PRKG1: variants seen among roughly 807,000 people sequenced by gnomAD.
PRKG1 encodes cGMP-dependent protein kinase 1.
Under a neutral mutation model 88.1 loss-of-function variants are expected in PRKG1, and 35 were observed. The ratio of observed to expected loss-of-function variants is 0.40; its 90% CI spans 0.30 to 0.53. The LOEUF (loss-of-function observed/expected upper bound fraction) is 0.53. Ranked by LOEUF, PRKG1 falls within the 20% of genes least tolerant of loss-of-function variation. PRKG1 has a pLI of 0.59. For synonymous variants in PRKG1, 303 were observed against 292.5 expected (o/e 1.04, Z -0.37); for missense variants, 540 against 839.8 (o/e 0.64, Z 4.41).
chr10:51,822,968 A>T (rs1036715328), intron 4 of PRKG1, among the ~76,000 whole-genome samples: 1 of 152,188 alleles, frequency 6.6e-6, no homozygotes, highest in African/African-American at 2.4e-5. Flanking sequence ...GTGGGAATTC[A>T]TGAGGTCAAA....
chr10:51,625,071 A>G (rs976055888), intron 3 of PRKG1, among the ~76,000 whole-genome samples: 1 of 152,236 alleles, frequency 6.6e-6, no homozygotes, highest in Non-Finnish European at 1.5e-5. Flanking sequence ...GTCATCACTC[A>G]AAATTAATAA....
chr10:51,320,819 T>A (rs1305503803), intron 2 of PRKG1, among the ~76,000 whole-genome samples: 1 of 152,228 alleles, frequency 6.6e-6, no homozygotes, highest in Non-Finnish European at 1.5e-5. Context: ...CCTTAAATAC[T>A]TGGGAATTAC....
chr10:51,839,373 C>T (rs1036163830), intron 4 of PRKG1, among the ~76,000 whole-genome samples: 7 of 152,102 alleles, frequency 4.6e-5, no homozygotes, highest in Admixed American at 2.0e-4. Flanking sequence ...TTCTACTTCC[C>T]CCATGCCCAC....
chr10:51,888,950 G>A (rs770727705), intron 4 of PRKG1, among the ~76,000 whole-genome samples: 5 of 152,000 alleles, frequency 3.3e-5, no homozygotes, highest in Admixed American at 6.6e-5. Flanking sequence ...ACAAAGTAAC[G>A]TGACTGGGAC....
At chr10:51,044,643 C>G (rs1255595584) in intron 1 of PRKG1, among the ~76,000 whole-genome samples, 1 of 151,974 alleles carries the variant, frequency 6.6e-6, no homozygotes, top group East Asian at 1.9e-4. Flanking sequence ...CTTATAGACT[C>G]CCCTCCTTTG....
At chr10:51,163,549 G>A (rs1447596545) in intron 2 of PRKG1, among the ~76,000 whole-genome samples, 1 of 152,166 alleles carries the variant, frequency 6.6e-6, no homozygotes, top group African/African-American at 2.4e-5. Context: ...AAGACAGTGG[G>A]TGCCGCGCAC....
At chr10:51,128,835 C>G (rs1845495858) in intron 1 of PRKG1, among the ~76,000 whole-genome samples, 1 of 152,170 alleles carries the variant, frequency 6.6e-6, no homozygotes, top group African/African-American at 2.4e-5. Context: ...ATTCATGTCT[C>G]AAGCTTAGCA....
chr10:51,322,279 ATC>A (rs1489631729), intron 2 of PRKG1, among the ~76,000 whole-genome samples: 2 of 152,224 alleles, frequency 1.3e-5, no homozygotes, highest in Non-Finnish European at 2.9e-5. Context: ...AAAAAAGTGC[ATC>A]TCTCATCCTG....
intron 5 of PRKG1, among the ~76,000 whole-genome samples, chr10:52,020,662 G>A (rs1289294515): frequency 6.6e-6 from 1 of 152,030 alleles, no homozygotes; most frequent in Non-Finnish European, 1.5e-5. Flanking sequence ...CCCTTAGGGT[G>A]GGCTGCCCAC....
intron 2 of PRKG1, 49 bp from the exon 3 acceptor site, chr10:51,467,674 A>T: frequency 1.4e-6 from 2 of 1,434,488 alleles, no homozygotes; most frequent in Non-Finnish European, 2.0e-6. Flanking sequence ...GCAACAAATG[A>T]AGCATGAGAA....
chr10:51,712,446 G>A (rs1025160983), intron 3 of PRKG1, among the ~76,000 whole-genome samples: 3 of 151,966 alleles, frequency 2.0e-5, no homozygotes, highest in Non-Finnish European at 2.9e-5. Flanking sequence ...CTCTATTGAC[G>A]TTTATCTATT....
intron 1 of PRKG1, among the ~76,000 whole-genome samples, chr10:51,077,267 T>C (rs541661035): frequency 3.9e-5 from 6 of 152,338 alleles, no homozygotes; most frequent in South Asian, 2.1e-4. Flanking sequence ...AGTGTTTGTG[T>C]CTTTGTATTT....
intron 2 of PRKG1, among the ~76,000 whole-genome samples, chr10:51,421,539 C>G (rs1838416469): frequency 6.6e-6 from 1 of 152,048 alleles, no homozygotes; most frequent in Admixed American, 6.6e-5. Flanking sequence ...GAGACACTTT[C>G]CCCAGTTCCT....
intron 1 of PRKG1, among the ~76,000 whole-genome samples, chr10:51,098,713 C>T (rs1844604550): frequency 6.6e-6 from 1 of 152,218 alleles, no homozygotes; most frequent in African/African-American, 2.4e-5. Flanking sequence ...GTCAAGCTGT[C>T]CATGAAGGAC....
At chr10:52,248,489 T>C (rs1258895318) in intron 9 of PRKG1, among the ~76,000 whole-genome samples, 2 of 152,282 alleles carry the variant, frequency 1.3e-5, no homozygotes, top group Middle Eastern at 3.4e-3. Context: ...TCAAAATGTA[T>C]CTTACCAATA....
chr10:52,191,825 T>C (rs1374067941), intron 9 of PRKG1, among the ~76,000 whole-genome samples: 1 of 152,202 alleles, frequency 6.6e-6, no homozygotes, highest in African/African-American at 2.4e-5. Context: ...CTGAATCAGC[T>C]ATCTCATTAG....
At chr10:51,254,406 A>C (rs1839504352) in intron 2 of PRKG1, among the ~76,000 whole-genome samples, 1 of 151,980 alleles carries the variant, frequency 6.6e-6, no homozygotes, top group African/African-American at 2.4e-5. Context: ...CTGCAGGCTA[A>C]GTACTCTCAG....
chr10:51,395,048 TGAG>T (rs994410044), intron 2 of PRKG1, among the ~76,000 whole-genome samples: 10 of 152,386 alleles, frequency 6.6e-5, no homozygotes, highest in African/African-American at 2.4e-4. Flanking sequence ...CTCCAAATTC[TGAG>T]GAGTAACTAT....
At chr10:51,651,720 A>G (rs1840043846) in intron 3 of PRKG1, among the ~76,000 whole-genome samples, 1 of 151,862 alleles carries the variant, frequency 6.6e-6, no homozygotes, top group African/African-American at 2.4e-5. Context: ...AGTAGCTGGG[A>G]CTACAGGTGC....
Sources: gnomAD v4.1 joint callset for allele counts (sites outside exome capture counted in the v4.1 genomes callset) on GRCh38, gnomAD v4.1.1 for gene constraint, MANE v1.5 for transcripts, NCBI Gene and HGNC (gene_info 2026-07-23, HGNC 2026-07-21) for gene names.